Variants in PRUNE2 observed in about 807,000 individuals in gnomAD.
PRUNE2 encodes the protein protein prune homolog 2.
Under a neutral mutation model 252.0 loss-of-function variants are expected in PRUNE2, and 164 were observed. That is an observed-to-expected ratio of 0.65 (90% CI 0.57 to 0.74). The LOEUF (loss-of-function observed/expected upper bound fraction) is 0.74, where lower values mean the gene tolerates loss of function less well. Ranked by LOEUF, PRUNE2 falls within the 30% of genes least tolerant of loss-of-function variation. PRUNE2 has a pLI of 0.00. For synonymous variants in PRUNE2, 1,292 were observed against 1,350.2 expected, an observed-to-expected ratio of 0.96 and a Z score of 0.94; for missense variants, 3,495 against 3,711.0, an observed-to-expected ratio of 0.94 and a Z score of 1.51.
intron 18 of PRUNE2, among the ~76,000 whole-genome samples, chr9:76,618,795 T>A (rs1338897763): frequency 6.6e-6 from 1 of 152,216 alleles, no homozygotes; most frequent in Non-Finnish European, 1.5e-5. Context: ...AGGATTAAAA[T>A]CAGACACTGC....
intron 6 of PRUNE2, among the ~76,000 whole-genome samples, chr9:76,714,760 A>C (rs753309485): frequency 6.6e-6 from 1 of 152,150 alleles, no homozygotes; most frequent in Non-Finnish European, 1.5e-5. Flanking sequence ...CTCTTCCTTA[A>C]AGAAGTACAG....
intron 4 of PRUNE2, among the ~76,000 whole-genome samples, chr9:76,842,663 A>G (rs1367567659): frequency 6.6e-6 from 1 of 152,186 alleles, no homozygotes; most frequent in Non-Finnish European, 1.5e-5. Flanking sequence ...CCCAACAAAA[A>G]CTAGGCAAAG....
At chr9:76,809,282 T>A (rs1384033673) in intron 6 of PRUNE2, among the ~76,000 whole-genome samples, 2 of 152,336 alleles carry the variant, frequency 1.3e-5, no homozygotes, top group East Asian at 3.9e-4. Flanking sequence ...ACTGCAATAT[T>A]TAACCTCTAT....
At chr9:76,714,568 G>A (rs1182656665) in intron 6 of PRUNE2, among the ~76,000 whole-genome samples, 1 of 151,944 alleles carries the variant, frequency 6.6e-6, no homozygotes, top group Admixed American at 6.6e-5. Context: ...CTAATTTATT[G>A]TATTTTTTTG....
chr9:76,710,668 G>A lies in PRUNE2; in HGVS notation c.1606C>T (p.Pro536Ser), dbSNP rs1339323693. The stretch of plus-strand genomic sequence containing the variant: ...GTTCCCATGCCATCAAGTCCTTCAG[G>A]CCCAGCGGGGAGCTGTCCTTCTGAC... The part of the protein sequence containing the change: ...DLSEGQLPAG[P>S]EGLDGMGTNM... Residue 536 changes from proline to serine, a missense_variant, in exon 8 of 19, where the codon CCT becomes TCT. Coordinates refer to ENST00000376718, the MANE Select transcript of PRUNE2 (RefSeq NM_015225.3). The A allele has an allele frequency of 6.2e-7, 1 of 1,612,100 alleles. No individual in the cohort carries two copies. The highest frequency in any genetic ancestry group is 8.5e-7 in the Non-Finnish European group (1 of 1,179,036).
intron 6 of PRUNE2, among the ~76,000 whole-genome samples, chr9:76,791,117 C>T (rs1343310419): frequency 1.3e-5 from 2 of 152,220 alleles, no homozygotes; most frequent in Non-Finnish European, 2.9e-5. Context: ...AGGGCACAAA[C>T]TTTCAGCTAT....
intron 1 of PRUNE2, among the ~76,000 whole-genome samples, chr9:76,870,642 C>T (rs1453182127): frequency 2.7e-5 from 4 of 150,050 alleles, no homozygotes; most frequent in East Asian, 1.9e-4. Context: ...GCCAATATTG[C>T]GCCACTGCAC....
chr9:76,674,159 C>A (rs375677871), intron 9 of PRUNE2, among the ~76,000 whole-genome samples: 3 of 139,930 alleles, frequency 2.1e-5, no homozygotes, highest in Non-Finnish European at 4.8e-5. Flanking sequence ...GAAAACCCCA[C>A]TGTCTCAGCC....
At chr9:76,748,585 C>T (rs1213553010) in intron 6 of PRUNE2, 1 of 152,156 alleles carries the variant, frequency 6.6e-6, no homozygotes, top group Non-Finnish European at 1.5e-5. Context: ...TCTATAAATA[C>T]ACTAAAAACC....
chr9:76,847,322 T>A (rs2059721106), intron 3 of PRUNE2, among the ~76,000 whole-genome samples: 2 of 146,906 alleles, frequency 1.4e-5, no homozygotes, highest in Non-Finnish European at 3.0e-5. Flanking sequence ...CGAGAATCTG[T>A]CTCAGGGAAA....
chr9:76,739,443 G>A (rs1162651914), intron 6 of PRUNE2: 17 of 151,976 alleles, frequency 1.1e-4, no homozygotes, highest in Admixed American at 1.1e-3. Context: ...CAAAAAGAAT[G>A]GGGTTGGCAA....
intron 6 of PRUNE2, among the ~76,000 whole-genome samples, chr9:76,793,034 A>C (rs1280290732): frequency 6.6e-6 from 1 of 152,236 alleles, no homozygotes; most frequent in Non-Finnish European, 1.5e-5. Flanking sequence ...AATTTGTCCA[A>C]AGTTAAAGTG....
chr9:76,873,417 C>T (rs1235726015), intron 1 of PRUNE2, among the ~76,000 whole-genome samples: 1 of 152,120 alleles, frequency 6.6e-6, no homozygotes, highest in African/African-American at 2.4e-5. Flanking sequence ...CCGAGGAAAC[C>T]ACCCAAAAGT....
chr9:76,800,725 C>T (rs1015689210), intron 6 of PRUNE2, among the ~76,000 whole-genome samples: 1 of 152,098 alleles, frequency 6.6e-6, no homozygotes, highest in Non-Finnish European at 1.5e-5. Context: ...AGCCTCACAC[C>T]CCTGTTCACC....
intron 6 of PRUNE2, among the ~76,000 whole-genome samples, chr9:76,742,950 T>A (rs940340909): frequency 6.6e-6 from 1 of 152,138 alleles, no homozygotes; most frequent in Admixed American, 6.5e-5. Context: ...GTTCCCATAA[T>A]CCCCACATGT....
chr9:76,811,616 T>C (rs2057361877), intron 6 of PRUNE2, among the ~76,000 whole-genome samples: 1 of 152,230 alleles, frequency 6.6e-6, no homozygotes, highest in African/African-American at 2.4e-5. Flanking sequence ...TATCTCCTCC[T>C]GCTCAAGGAT....
intron 9 of PRUNE2, among the ~76,000 whole-genome samples, chr9:76,665,919 C>T (rs1032624209): frequency 2.0e-5 from 3 of 152,056 alleles, no homozygotes; most frequent in Non-Finnish European, 2.9e-5. Flanking sequence ...TATAAAACAA[C>T]AAGAATTATA....
chr9:76,714,464 G>A (rs2046981456), intron 6 of PRUNE2, among the ~76,000 whole-genome samples: 1 of 152,066 alleles, frequency 6.6e-6, no homozygotes, highest in South Asian at 2.1e-4. Flanking sequence ...GCGTTATCTC[G>A]GCTCACTGCA....
chr9:76,789,965 T>C (rs925876982), intron 6 of PRUNE2, among the ~76,000 whole-genome samples: 3 of 152,124 alleles, frequency 2.0e-5, no homozygotes, highest in Admixed American at 1.3e-4. Context: ...CTCTTTATCA[T>C]GAACAAGGGT....
Sources: gnomAD v4.1 joint callset for allele counts (sites outside exome capture counted in the v4.1 genomes callset) on GRCh38, gnomAD v4.1.1 for gene constraint, MANE v1.5 for transcripts, NCBI Gene and HGNC (gene_info 2026-07-23, HGNC 2026-07-21) for gene names.